CAMK2G: variants seen among roughly 807,000 people sequenced by gnomAD.
CAMK2G encodes the protein calcium/calmodulin dependent protein kinase II gamma, also known as calcium/calmodulin-dependent protein kinase type II subunit gamma.
In CAMK2G, 23 loss-of-function variants were observed where a neutral mutation model predicts 88.7. That is an observed-to-expected ratio of 0.26 (90% CI 0.19 to 0.37). The LOEUF (loss-of-function observed/expected upper bound fraction) is 0.37, where lower values mean the gene tolerates loss of function less well. Ranked by LOEUF, CAMK2G falls within the 10% of genes least tolerant of loss-of-function variation. CAMK2G has a pLI of 1.00. For synonymous variants in CAMK2G, 263 were observed against 294.8 expected, an observed-to-expected ratio of 0.89 and a Z score of 1.11; for missense variants, 476 against 780.8, an observed-to-expected ratio of 0.61 and a Z score of 4.65.
intron 15 of CAMK2G, among the ~76,000 whole-genome samples, chr10:73,825,736 G>A (rs906014015): frequency 9.9e-5 from 15 of 152,208 alleles, no homozygotes; most frequent in African/African-American, 1.7e-4. Flanking sequence ...AGAAACTCTG[G>A]TCCCCTATCT....
intron 16 of CAMK2G, 35 bp downstream of exon 16, chr10:73,825,244 G>C (rs2090520206): frequency 6.6e-7 from 1 of 1,507,140 alleles, no homozygotes; most frequent in Non-Finnish European, 9.2e-7. Flanking sequence ...GAGGCAGCCA[G>C]GGTCAGAGGC....
Position 73,819,527 on chromosome 10 carries a change from C to T in CAMK2G, c.1363+5G>A, listed in dbSNP as rs2133250615. ...GAAGCCAGAATGTGCCTCCCTCACA[C>T]TTACTGGCTGAGGAGCAGAGAGAAG... On this transcript the variant is annotated splice_donor_5th_base_variant and intron_variant, in intron 19 of 22. Transcript: ENST00000423381. The T allele has an allele frequency of 6.5e-7, 1 of 1,544,220 alleles. No individual in the cohort carries two copies. The highest frequency in any genetic ancestry group is 2.4e-5 in the East Asian group (1 of 40,890).
Position 73,842,010 on chromosome 10 carries a change from T to TCAG in CAMK2G, c.946+156_946+158dup, listed in dbSNP as rs973834473. On this transcript the variant is annotated intron_variant, in intron 12 of 22. Transcript: ENST00000423381. The surrounding 1 kb of genome is among the most constrained non-coding windows in gnomAD (Gnocchi z 4.6). The stretch of plus-strand genomic sequence containing the variant: ...GCCCCCTGAATCTCAGGAGCAGGAC[T>TCAG]CAGCAGCAGCAGCAGCCCCTCAAAA... 72 of 686,510 alleles carry TCAG rather than the reference T, an allele frequency of 1.0e-4. No homozygotes were observed. The highest frequency in any genetic ancestry group is 8.7e-4 in the Admixed American group (40 of 46,242). 42.5% of individuals were successfully genotyped at this position (686,510 alleles called of 1,614,324 possible). A position where few individuals can be genotyped will look rare whatever the true frequency, so the allele number is the denominator to read the frequency against.
chr10:73,833,456 A>G (rs1394798870), intron 14 of CAMK2G, among the ~76,000 whole-genome samples: 1 of 152,132 alleles, frequency 6.6e-6, no homozygotes, highest in Admixed American at 6.6e-5. Context: ...CACTACCATC[A>G]CTAACTAGAG....
Position 73,842,227 on chromosome 10 carries a change from G to A in CAMK2G, c.904-16C>T. The A allele has an allele frequency of 1.9e-6, 3 of 1,607,136 alleles. No individual in the cohort carries two copies. Among genetic ancestry groups the A allele is most frequent in the Non-Finnish European group, 2.6e-6 (3 of 1,173,592 alleles). On this transcript the variant is annotated splice_polypyrimidine_tract_variant and intron_variant, in intron 11 of 22. Coordinates refer to ENST00000423381, the MANE Select transcript of CAMK2G (RefSeq NM_001367534.1). This position sits in a 1 kb window ranked among gnomAD's most constrained non-coding sequence, Gnocchi z 4.6. The stretch of plus-strand genomic sequence containing the variant: ...GGATGGCACCCTGGGGAAAGAGGAA[G>A]GTCCTGTGAATTCACTGAGACCCTA...
chr10:73,837,786 G>A (rs1484751603), intron 13 of CAMK2G, among the ~76,000 whole-genome samples: 1 of 152,132 alleles, frequency 6.6e-6, no homozygotes, highest in Non-Finnish European at 1.5e-5. Context: ...TACTGGAGCC[G>A]CCTGGGGCAC....
intron 9 of CAMK2G, 61 bp from the exon 10 acceptor site, chr10:73,847,408 G>C: frequency 6.3e-7 from 1 of 1,576,492 alleles, no homozygotes; most frequent in Non-Finnish European, 8.7e-7. Context: ...CTGCAACACT[G>C]GTTCTGTCTT....
At chr10:73,847,374 T>C (rs2094320761) in intron 9 of CAMK2G, 27 bp from the exon 10 acceptor site, 1 of 1,613,520 alleles carries the variant, frequency 6.2e-7, no homozygotes, top group Non-Finnish European at 8.5e-7. Flanking sequence ...GGGAGAAGAA[T>C]GTGGTATTGG....
At chr10:73,853,359 A>C (rs550991024) in intron 3 of CAMK2G, 113 bp from the exon 4 acceptor site, 1 of 906,152 alleles carries the variant, frequency 1.1e-6, no homozygotes, top group Non-Finnish European at 1.8e-6. Flanking sequence ...AGGGCTCTCC[A>C]GAAGGAGCAG....
chr10:73,874,045 TGGGTTCAGGGTGC>T (rs2095976284), intron 1 of CAMK2G, among the ~76,000 whole-genome samples: 1 of 115,986 alleles, frequency 8.6e-6, no homozygotes, highest in African/African-American at 3.4e-5. Flanking sequence ...GCGTGGGACC[TGGGTTCAGGGTGC>T]GGAGTGAGCA....
intron 12 of CAMK2G, among the ~76,000 whole-genome samples, chr10:73,840,038 C>T (rs1312303485): frequency 1.3e-5 from 2 of 152,120 alleles, no homozygotes; most frequent in Admixed American, 6.5e-5. Context: ...GCAGAGCAGC[C>T]CTCTCCCCTC....
Position 73,825,330 on chromosome 10 carries a change from TTTG to T in CAMK2G, c.1101_1103del (p.Asn367del), listed in dbSNP as rs769994656. ...CTTGGGCTGGGCTTACGAGACTGTT[TTTG>T]TTGTTGCTCTGTGGCTGAGACAAGA... On this transcript the variant is annotated inframe_deletion, in exon 16 of 23. Transcript: ENST00000423381. The T allele has an allele frequency of 6.2e-7, 1 of 1,613,966 alleles. No individual in the cohort carries two copies. Among genetic ancestry groups the T allele is most frequent in the South Asian group, 1.1e-5 (1 of 91,086 alleles).
chr10:73,816,834 G>T, intron 21 of CAMK2G, 189 bp downstream of exon 21: 1 of 1,563,298 alleles, frequency 6.4e-7, no homozygotes. Flanking sequence ...TTGGAGCTCA[G>T]GAGCAGGGCC....
Position 73,842,368 on chromosome 10 carries a change from G to C in CAMK2G, c.903+90C>G. The C allele has an allele frequency of 2.5e-6, 3 of 1,190,438 alleles. No individual in the cohort carries two copies. The highest frequency in any genetic ancestry group is 3.8e-6 in the Non-Finnish European group (3 of 794,438). 73.7% of individuals were successfully genotyped at this position (1,190,438 alleles called of 1,614,324 possible). On this transcript the variant is annotated intron_variant, in intron 11 of 22. Transcript: ENST00000423381. The surrounding 1 kb of genome is among the most constrained non-coding windows in gnomAD (Gnocchi z 4.6). Reference sequence around the variant, plus strand: ...AACCTTCAGAGCCCAGCTCCAGCCAGGAGGGGAGCTTCCTTCTGAAATGGG... The same window carrying C: ...AACCTTCAGAGCCCAGCTCCAGCCACGAGGGGAGCTTCCTTCTGAAATGGG...
At position 73,813,119 on chromosome 10, in the gene CAMK2G, C is replaced by T. The variant is rs2084578368; in HGVS notation, c.*1399G>A. Reference sequence around the variant, plus strand: ...GTTTTGAGGGAAACCAAGGCCATGACCAATTGCTCCTCCATTATCTTCTTT... The same window carrying T: ...GTTTTGAGGGAAACCAAGGCCATGATCAATTGCTCCTCCATTATCTTCTTT... On this transcript the variant is annotated 3_prime_UTR_variant, in exon 23 of 23. Transcript: ENST00000423381. 1 of 152,730 alleles carries T rather than the reference C, an allele frequency of 6.5e-6. No homozygotes were observed. Among genetic ancestry groups the T allele is most frequent in the African/African-American group, 2.4e-5 (1 of 41,470 alleles). The allele number at this position is 152,730 out of a possible 1,614,324, so 9.5% of individuals were successfully genotyped here. A position where few individuals can be genotyped will look rare whatever the true frequency, so the allele number is the denominator to read the frequency against.
At chr10:73,861,409 G>A (rs1344260119) in intron 2 of CAMK2G, among the ~76,000 whole-genome samples, 1 of 152,166 alleles carries the variant, frequency 6.6e-6, no homozygotes, top group Non-Finnish European at 1.5e-5. Context: ...AGGCTGGGGT[G>A]CAGTGGTGTG....
intron 3 of CAMK2G, among the ~76,000 whole-genome samples, chr10:73,860,473 G>A (rs1485848306): frequency 6.6e-6 from 1 of 152,156 alleles, no homozygotes; most frequent in African/African-American, 2.4e-5. Flanking sequence ...CCTTGCATGA[G>A]GGCTGTGGAT....
chr10:73,816,985 G>A lies in CAMK2G; in HGVS notation c.1534+38C>T, dbSNP rs1296178484. 5 of 1,613,796 alleles carry A rather than the reference G, an allele frequency of 3.1e-6. No homozygotes were observed. The Admixed American group carries it at 8.3e-5, about 27-fold the overall frequency. On this transcript the variant is annotated intron_variant, in intron 21 of 22. Transcript: ENST00000423381. Reference sequence around the variant, plus strand: ...GGAGACAGAGACAAAGGGGTAAAGGGGCAGGCAGGAGTATATCAGCAGCAC... The same window carrying A: ...GGAGACAGAGACAAAGGGGTAAAGGAGCAGGCAGGAGTATATCAGCAGCAC...
At chr10:73,867,858 A>G (rs1490634679) in intron 2 of CAMK2G, among the ~76,000 whole-genome samples, 9 of 152,208 alleles carry the variant, frequency 5.9e-5, no homozygotes, top group Admixed American at 5.9e-4. Flanking sequence ...ACACGGCCTG[A>G]GGACGCTGGG....
Sources: gnomAD v4.1 joint callset for allele counts (sites outside exome capture counted in the v4.1 genomes callset) on GRCh38, gnomAD v4.1.1 for gene constraint, Gnocchi (gnomAD v3.1) non-coding constraint, MANE v1.5 for transcripts, NCBI Gene and HGNC (gene_info 2026-07-23, HGNC 2026-07-21) for gene names.